Variants in FST observed in about 807,000 individuals in gnomAD.
The protein encoded by FST is activin-binding protein.
In FST, 6 loss-of-function variants were observed where a neutral mutation model predicts 38.4. The ratio of observed to expected loss-of-function variants is 0.16; its 90% CI spans 0.09 to 0.31. The LOEUF (loss-of-function observed/expected upper bound fraction) is 0.31, where lower values mean the gene tolerates loss of function less well. Among genes scored for constraint, FST ranks in the 10% least tolerant of loss-of-function variants. The probability of loss-of-function intolerance (pLI) is 1.00; values close to 1 mark genes in which losing one functional copy is unlikely to be tolerated. For synonymous variants in FST, 157 were observed against 169.8 expected, an observed-to-expected ratio of 0.92 and a Z score of 0.59; for missense variants, 301 against 432.3, an observed-to-expected ratio of 0.70 and a Z score of 2.69.
chr5:53,483,065 T>A lies in FST; in HGVS notation c.271T>A (p.Cys91Ser). Residue 91 changes from cysteine to serine, a missense_variant, in exon 2 of 6, where the codon TGT becomes AGT. Transcript: ENST00000256759. The surrounding 1 kb of genome is among the most constrained non-coding windows in gnomAD (Gnocchi z 4.1). ...FNGGAPNCIP[C>S]KETCENVDCG... The stretch of plus-strand genomic sequence containing the variant: ...CGGGGGCGCCCCCAACTGCATCCCC[T>A]GTAAAGGTAGGACTCCTTCTTCCCA... 1 of 1,610,150 alleles carries A rather than the reference T, an allele frequency of 6.2e-7. No individual in the cohort carries two copies.
rs3083659 is a variant in FST at position 53,486,072 on chromosome 5, C to CAAAAAAAAAAAAAAA, written c.*46_*60dup. The stretch of plus-strand genomic sequence containing the variant: ...GTTCAGTGTTGACATAGCCTTTGTG[C>CAAAAAAAAAAAAAAA]AAAAAAAAAAAAAAAAAAAAAGAAA... On this transcript the variant is annotated 3_prime_UTR_variant, in exon 6 of 6. Transcript: ENST00000256759. 1.5e-4 allele frequency: 41 copies of CAAAAAAAAAAAAAAA among 266,546 alleles called. No homozygotes were observed. The highest frequency in any genetic ancestry group is 4.1e-4 in the African/African-American group (9 of 21,690). 16.5% of individuals were successfully genotyped at this position (266,546 alleles called of 1,614,324 possible).
In FST at chr5:53,484,153, G is replaced by A. The variant is rs150492112; in HGVS notation, c.581G>A (p.Arg194Gln). The A allele has an allele frequency of 2.1e-3, 3,359 of 1,612,112 alleles. 13 individuals are homozygous for A. Among genetic ancestry groups the A allele is most frequent in the South Asian group, 1.9e-3 (170 of 91,040 alleles). ...TNNAYCVTCN[R>Q]ICPEPASSEQ... ...AATGCCTACTGTGTGACCTGTAATCGGATTTGCCCAGAGCCTGCTTCCTCT... is the reference window on the plus strand; with the variant it reads ...AATGCCTACTGTGTGACCTGTAATCAGATTTGCCCAGAGCCTGCTTCCTCT... Residue 194 changes from arginine (R) to glutamine (Q), a missense_variant, in exon 4 of 6, where the codon CGG becomes CAG. Coordinates refer to ENST00000256759, the MANE Select transcript of FST (RefSeq NM_013409.3).
chr5:53,484,920 G>C (rs1454223438), intron 4 of FST, 77 bp from the exon 5 acceptor site: 1 of 741,326 alleles, frequency 1.3e-6, no homozygotes, highest in Non-Finnish European at 2.5e-6. Context: ...TATATTTATT[G>C]ATAGAGGACT....
rs1042368774 is a variant in FST, at chr5:53,483,114, C to T, written c.277+43C>T. ...CAACTTGCAGGCCCTCAGTAGAGGG[C>T]GTCTTACCCTTAGCTTCCCCACTAC... On this transcript the variant is annotated intron_variant, in intron 2 of 5. Coordinates refer to ENST00000256759, the MANE Select transcript of FST (RefSeq NM_013409.3). The surrounding 1 kb of genome is among the most constrained non-coding windows in gnomAD (Gnocchi z 4.1). The T allele has an allele frequency of 4.4e-6, 6 of 1,376,586 alleles. No individual in the cohort carries two copies. Among genetic ancestry groups the T allele is most frequent in the Non-Finnish European group, 6.1e-6 (6 of 976,346 alleles). 85.3% of individuals were successfully genotyped at this position (1,376,586 alleles called of 1,614,324 possible).
chr5:53,481,488 C>CAAAAAAAAAA (rs1747211810), intron 1 of FST, among the ~76,000 whole-genome samples: 10 of 48,182 alleles, frequency 2.1e-4, no homozygotes, highest in East Asian at 5.0e-4. Flanking sequence ...AAAAAAAAAG[C>CAAAAAAAAAA]CAAATTATTA....
At position 53,485,015 on chromosome 5, in the gene FST, A is replaced by T. The variant is rs750060938; in HGVS notation, c.740A>T (p.Asp247Val). ...GKCIKAKSCE[D>V]IQCTGGKKCL... is the part of the protein sequence containing the mutation. Reference sequence around the variant, plus strand: ...ATCCTAGAAGCAAAGTCCTGTGAAGATATCCAGTGCACTGGTGGGAAAAAA... The same window carrying T: ...ATCCTAGAAGCAAAGTCCTGTGAAGTTATCCAGTGCACTGGTGGGAAAAAA... The change falls in exon 5 of 6, where the codon GAT becomes GTT. Residue 247 changes from aspartate to valine, a missense_variant. By Grantham distance (152) the Asp-to-Val change is radical (BLOSUM62 -3). Transcript: ENST00000256759. 1.3e-6 allele frequency: 2 copies of T among 1,591,954 alleles called. No homozygotes were observed. The highest frequency in any genetic ancestry group is 1.7e-6 in the Non-Finnish European group (2 of 1,159,734).
chr5:53,482,670 A>C, intron 1 of FST: 1 of 494,796 alleles, frequency 2.0e-6, no homozygotes, highest in South Asian at 3.6e-5. Flanking sequence ...CTCTGTGATC[A>C]GGGCTTCCCC....
chr5:53,485,012 A>G lies in FST; in HGVS notation c.737A>G (p.Glu246Gly). 1 of 1,586,674 alleles carries G rather than the reference A, an allele frequency of 6.3e-7. No homozygotes were observed. Among genetic ancestry groups the G allele is most frequent in the Non-Finnish European group, 8.7e-7 (1 of 1,154,890 alleles). Residue 246 changes from glutamate (E) to glycine (G), a missense_variant, in exon 5 of 6, where the codon GAA becomes GGA. By Grantham distance (98) the Glu-to-Gly change is moderately conservative (BLOSUM62 -2). Coordinates refer to ENST00000256759, the MANE Select transcript of FST (RefSeq NM_013409.3). ...EGKCIKAKSCEDIQCTGGKKC... is the reference protein window; with the variant it reads ...EGKCIKAKSCGDIQCTGGKKC... ...TATATCCTAGAAGCAAAGTCCTGTG[A>G]AGATATCCAGTGCACTGGTGGGAAA... is the stretch of plus-strand genomic sequence containing the variant.
chr5:53,483,897 A>C lies in FST; in HGVS notation c.497-172A>C, dbSNP rs1379480031. On this transcript the variant is annotated intron_variant, in intron 3 of 5. Transcript: ENST00000256759. This position sits in a 1 kb window ranked among gnomAD's most constrained non-coding sequence, Gnocchi z 4.1. ...TTCTAACCTCTAGAGATTCATTAAG[A>C]ACACTGAGGGGACCAACCTAGTCAT... Among the ~76,000 whole-genome samples the C allele has an allele frequency of 6.6e-6, 1 of 152,176 alleles. No homozygotes were observed. Among genetic ancestry groups the C allele is most frequent in the Non-Finnish European group, 1.5e-5 (1 of 68,024 alleles).
chr5:53,480,939 G>C, intron 1 of FST, 63 bp downstream of exon 1: 5 of 831,640 alleles, frequency 6.0e-6, no homozygotes, highest in Non-Finnish European at 9.3e-6. Flanking sequence ...CTTTTCTGTG[G>C]TCTCCACTTG....
At chr5:53,482,775 C>G in intron 1 of FST, 105 bp from the exon 2 acceptor site, 2 of 643,254 alleles carry the variant, frequency 3.1e-6, no homozygotes, top group African/African-American at 1.8e-5. Flanking sequence ...CACGCTCACC[C>G]CCTCCCCATC....
rs1381670085 is a variant in FST at position 53,485,947 on chromosome 5, C to T, written c.953-4C>T. On this transcript the variant is annotated splice_polypyrimidine_tract_variant and splice_region_variant and intron_variant, in intron 5 of 5. Transcript: ENST00000256759. ...CAACAGCTCCCCTGTATTCCCCCAT[C>T]TAGCCATTTCGGAAGACACCGAGGA... is the stretch of plus-strand genomic sequence containing the variant. 1 of 1,606,234 alleles carries T rather than the reference C, an allele frequency of 6.2e-7. No homozygotes were observed. The highest frequency in any genetic ancestry group is 8.5e-7 in the Non-Finnish European group (1 of 1,178,020).
chr5:53,485,096 G>A lies in FST; in HGVS notation c.821G>A (p.Cys274Tyr). The A allele has an allele frequency of 6.2e-7, 1 of 1,611,554 alleles. No homozygotes were observed. The highest frequency in any genetic ancestry group is 8.5e-7 in the Non-Finnish European group (1 of 1,177,652). Residue 274 changes from cysteine (C) to tyrosine (Y), a missense_variant, in exon 5 of 6, where the codon TGC becomes TAC. Coordinates refer to ENST00000256759, the MANE Select transcript of FST (RefSeq NM_013409.3). The part of the protein sequence containing the change: ...RGRCSLCDEL[C>Y]PDSKSDEPVC... Reference sequence around the variant, plus strand: ...CGGTGTTCCCTCTGTGATGAGCTGTGCCCTGACAGTAAGTCGGATGAGCCT... The same window carrying A: ...CGGTGTTCCCTCTGTGATGAGCTGTACCCTGACAGTAAGTCGGATGAGCCT...
chr5:53,485,745 T>G, intron 5 of FST: 1 of 1,602,496 alleles, frequency 6.2e-7, no homozygotes, highest in Admixed American at 1.8e-5. Flanking sequence ...GTTTTTGACT[T>G]CATAGATTAT....
At chr5:53,484,495 T>A (rs1236056978) in intron 4 of FST, among the ~76,000 whole-genome samples, 6 of 152,228 alleles carry the variant, frequency 3.9e-5, no homozygotes, top group Non-Finnish European at 8.8e-5. Context: ...TATATTCAAA[T>A]GCCAGCAGGA....
Position 53,485,969 on chromosome 5 carries a change from A to G in FST, c.971A>G (p.Glu324Gly). The change falls in exon 6 of 6, where the codon GAG becomes GGG. Residue 324 changes from glutamate (E) to glycine (G), a missense_variant. Glu to Gly is a moderately conservative substitution (Grantham distance 98). Coordinates refer to ENST00000256759, the MANE Select transcript of FST (RefSeq NM_013409.3). ...GSCNSISEDT[E>G]EEEEDEDQDY... ...CATCTAGCCATTTCGGAAGACACCG[A>G]GGAAGAGGAGGAAGATGAAGACCAG... The G allele has an allele frequency of 6.2e-7, 1 of 1,604,370 alleles. No individual in the cohort carries two copies.
intron 4 of FST, among the ~76,000 whole-genome samples, chr5:53,484,523 C>T (rs12152850): frequency 0.12 from 18,072 of 152,144 alleles, 1,356 homozygotes; most frequent in Non-Finnish European, 0.17. Flanking sequence ...AACAGTATTC[C>T]GTCTTAGAAA....
rs772054837 is a variant in FST, at chr5:53,483,424, G to A, written c.278-80G>A. 5.5e-6 allele frequency: 6 copies of A among 1,095,692 alleles called. No individual in the cohort carries two copies. Among genetic ancestry groups the A allele is most frequent in the Non-Finnish European group, 6.8e-6 (5 of 730,166 alleles). 67.9% of individuals were successfully genotyped at this position (1,095,692 alleles called of 1,614,324 possible). A position where few individuals can be genotyped will look rare whatever the true frequency, so the allele number is the denominator to read the frequency against. On this transcript the variant is annotated intron_variant, in intron 2 of 5. Transcript: ENST00000256759. This position sits in a 1 kb window ranked among gnomAD's most constrained non-coding sequence, Gnocchi z 4.1. ...CGCAAACTCAGGGCTGCATGATTGC[G>A]CAAGGCACCCGAAGCCCTCCTGGCT...
chr5:53,480,921 G>T, intron 1 of FST, 45 bp downstream of exon 1: 2 of 1,128,926 alleles, frequency 1.8e-6, no homozygotes, highest in Admixed American at 2.1e-5. Flanking sequence ...TGAGGACAGG[G>T]GGGTCGACTT....
Sources: allele counts gnomAD v4.1 joint callset (sites outside exome capture counted in the v4.1 genomes callset), GRCh38; gene constraint gnomAD v4.1.1; non-coding constraint Gnocchi (gnomAD v3.1); transcripts MANE v1.5; gene names NCBI Gene and HGNC (gene_info 2026-07-23, HGNC 2026-07-21).